Variants in SPHKAP observed in about 807,000 individuals in gnomAD.
SPHKAP encodes the protein SPHK1 interactor, AKAP domain containing.
Under a neutral mutation model 137.5 loss-of-function variants are expected in SPHKAP, and 67 were observed. That is an observed-to-expected ratio of 0.49 (90% CI 0.40 to 0.60). The LOEUF (loss-of-function observed/expected upper bound fraction) is 0.60. Ranked by LOEUF, SPHKAP falls within the 20% of genes least tolerant of loss-of-function variation. SPHKAP has a pLI of 0.00. For synonymous variants in SPHKAP, 813 were observed against 785.3 expected (o/e 1.04, Z -0.59); for missense variants, 2,097 against 2,069.3 (o/e 1.01, Z -0.26).
chr2:228,016,222 T>TA (rs1410533420), intron 7 of SPHKAP, among the ~76,000 whole-genome samples, 184 bp downstream of exon 7: 3 of 152,190 alleles, frequency 2.0e-5, no homozygotes, highest in Non-Finnish European at 4.4e-5. Context: ...GCATGTTTGT[T>TA]ACATATGTAT....
chr2:228,100,071 C>T (rs182830587), intron 3 of SPHKAP, among the ~76,000 whole-genome samples: 24 of 152,110 alleles, frequency 1.6e-4, no homozygotes, highest in African/African-American at 5.5e-4. Context: ...AGGATGGTCT[C>T]GATCTCCTGA....
chr2:228,175,652 T>C (rs892287695), intron 1 of SPHKAP, among the ~76,000 whole-genome samples: 1 of 152,010 alleles, frequency 6.6e-6, no homozygotes, highest in Non-Finnish European at 1.5e-5. Context: ...ATGACACAAA[T>C]AGAAAATAGC....
chr2:228,017,997 T>C lies in SPHKAP; in HGVS notation c.2857A>G (p.Ser953Gly), dbSNP rs932539777. ...EIAAICLDNS[S>G]GKQPWFCAWK... Reference sequence around the variant, plus strand: ...GCACAAAACCAGGGTTGTTTTCCACTGGAGTTGTCAAGGCAAATCGCTGCA... The same window carrying C: ...GCACAAAACCAGGGTTGTTTTCCACCGGAGTTGTCAAGGCAAATCGCTGCA... The change falls in exon 7 of 12, where the codon AGT (serine) becomes GGT (glycine). Residue 953 changes from serine to glycine, a missense_variant. By Grantham distance (56) the Ser-to-Gly change is moderately conservative. Transcript: ENST00000392056. The C allele has an allele frequency of 6.2e-7, 1 of 1,614,156 alleles. No homozygotes were observed.
chr2:228,066,860 C>T (rs1181520557), intron 3 of SPHKAP, among the ~76,000 whole-genome samples: 1 of 152,194 alleles, frequency 6.6e-6, no homozygotes, highest in Non-Finnish European at 1.5e-5. Flanking sequence ...TTCATTTAAA[C>T]TAAGCTCGTA....
intron 3 of SPHKAP, among the ~76,000 whole-genome samples, chr2:228,088,809 A>T (rs1477141820): frequency 1.3e-5 from 2 of 152,124 alleles, no homozygotes; most frequent in Non-Finnish European, 2.9e-5. Flanking sequence ...CCATGATTGT[A>T]AGCTTCTTAA....
chr2:228,035,140 T>G (rs2106246940), intron 3 of SPHKAP, among the ~76,000 whole-genome samples: 1 of 147,332 alleles, frequency 6.8e-6, no homozygotes. Flanking sequence ...CCCCATTGTC[T>G]CAGCCCAAAA....
chr2:228,040,949 G>T (rs1399577200), intron 3 of SPHKAP, among the ~76,000 whole-genome samples: 1 of 151,992 alleles, frequency 6.6e-6, no homozygotes, highest in Non-Finnish European at 1.5e-5. Flanking sequence ...CTGAAAGTAG[G>T]CCCTAAGTAA....
chr2:228,110,080 C>A (rs1013866399), intron 2 of SPHKAP, among the ~76,000 whole-genome samples: 22 of 150,824 alleles, frequency 1.5e-4, no homozygotes, highest in African/African-American at 5.4e-4. Flanking sequence ...TACTTGACTA[C>A]TACTTTCACT....
Position 228,019,661 on chromosome 2 carries a change from G to T in SPHKAP, c.1193C>A (p.Ser398Tyr). 2 of 1,614,128 alleles carry T rather than the reference G, an allele frequency of 1.2e-6. No homozygotes were observed. The highest frequency in any genetic ancestry group is 2.2e-5 in the South Asian group (2 of 91,076). The stretch of plus-strand genomic sequence containing the variant: ...TCTAATAAATGCATCCTGCAGCACG[G>T]ATTCTGCTAAATTTGTAGCATACTT... ...TGKYATNLAE[S>Y]VLQDAFIRLS... is the part of the protein sequence containing the mutation. Residue 398 changes from serine to tyrosine, a missense_variant, in exon 7 of 12, where the codon TCC becomes TAC. Coordinates refer to ENST00000392056, the MANE Select transcript of SPHKAP (RefSeq NM_001142644.2).
chr2:228,089,654 G>A (rs539199039), intron 3 of SPHKAP, among the ~76,000 whole-genome samples: 1 of 152,200 alleles, frequency 6.6e-6, no homozygotes, highest in African/African-American at 2.4e-5. Context: ...GGAAAGAAAG[G>A]CTTCAGGGGC....
chr2:228,081,208 C>A (rs1047428413), intron 3 of SPHKAP, among the ~76,000 whole-genome samples: 5 of 152,204 alleles, frequency 3.3e-5, no homozygotes, highest in Admixed American at 6.5e-5. Flanking sequence ...AAGAAATACA[C>A]AATTGACTAT....
chr2:227,982,083 C>T (rs1204891837), intron 11 of SPHKAP: 3 of 980,978 alleles, frequency 3.1e-6, no homozygotes, highest in Non-Finnish European at 3.6e-6. Context: ...AGCAGTTTGC[C>T]ATTCATTGAC....
At chr2:228,015,172 T>C (rs947992397) in intron 7 of SPHKAP, among the ~76,000 whole-genome samples, 10 of 151,178 alleles carry the variant, frequency 6.6e-5, no homozygotes, top group Non-Finnish European at 1.3e-4. Context: ...CATGCAGTGT[T>C]TGGTTTTTTG....
intron 3 of SPHKAP, among the ~76,000 whole-genome samples, chr2:228,072,901 G>C (rs1011606993): frequency 5.9e-5 from 9 of 152,228 alleles, no homozygotes; most frequent in African/African-American, 2.2e-4. Context: ...TGTGGAGCCA[G>C]GCTTTGAGTC....
intron 1 of SPHKAP, among the ~76,000 whole-genome samples, chr2:228,148,597 A>G (rs1345974562): frequency 6.6e-6 from 1 of 152,126 alleles, no homozygotes; most frequent in Non-Finnish European, 1.5e-5. Context: ...ATGGAAGAGG[A>G]GGCCCTGATC....
At chr2:228,001,356 T>C (rs1386890791) in intron 7 of SPHKAP, among the ~76,000 whole-genome samples, 2 of 143,146 alleles carry the variant, frequency 1.4e-5, no homozygotes, top group Non-Finnish European at 3.0e-5. Flanking sequence ...TACACATATA[T>C]AAATATATAC....
chr2:228,103,756 T>A (rs1348780759), intron 3 of SPHKAP, among the ~76,000 whole-genome samples: 1 of 152,180 alleles, frequency 6.6e-6, no homozygotes, highest in African/African-American at 2.4e-5. Flanking sequence ...TAGCTCCTCC[T>A]TAAAAACTGT....
chr2:228,151,872 A>G (rs10174655), intron 1 of SPHKAP, among the ~76,000 whole-genome samples: 94,287 of 151,936 alleles, frequency 0.62, 29,327 homozygotes, highest in Admixed American at 0.7. Flanking sequence ...CACTTTTAAG[A>G]CTATATGCGT....
At chr2:228,095,364 C>T (rs1223125757) in intron 3 of SPHKAP, among the ~76,000 whole-genome samples, 1 of 152,102 alleles carries the variant, frequency 6.6e-6, no homozygotes, top group Non-Finnish European at 1.5e-5. Flanking sequence ...TGGGAAACAT[C>T]ACATTAAAGT....
Sources: gnomAD v4.1 joint callset for allele counts (sites outside exome capture counted in the v4.1 genomes callset) on GRCh38, gnomAD v4.1.1 for gene constraint, MANE v1.5 for transcripts, NCBI Gene and HGNC (gene_info 2026-07-23, HGNC 2026-07-21) for gene names.